The following HK2 variants were observed in gnomAD, a reference collection of about 807,000 sequenced individuals.
The protein encoded by HK2 is hexokinase-2.
Under a neutral mutation model 92.9 loss-of-function variants are expected in HK2, and 42 were observed. That is an observed-to-expected ratio of 0.45 (90% CI 0.35 to 0.58). The LOEUF (loss-of-function observed/expected upper bound fraction) is 0.58. Ranked by LOEUF, HK2 falls within the 20% of genes least tolerant of loss-of-function variation. HK2 has a pLI of 0.00. For synonymous variants in HK2, 422 were observed against 468.0 expected, an observed-to-expected ratio of 0.90 and a Z score of 1.27; for missense variants, 978 against 1,245.1, an observed-to-expected ratio of 0.79 and a Z score of 3.23.
chr2:74,869,260 C>T (rs140879846), intron 3 of HK2, among the ~76,000 whole-genome samples: 1 of 152,024 alleles, frequency 6.6e-6, no homozygotes, highest in African/African-American at 2.4e-5. Context: ...ATCTTTGATC[C>T]TAAGGAATAG....
chr2:74,873,506 C>T, intron 5 of HK2, 135 bp downstream of exon 5: 2 of 654,756 alleles, frequency 3.1e-6, no homozygotes, highest in Non-Finnish European at 5.4e-6. Context: ...GACACATGTA[C>T]TCAATAATTT....
At chr2:74,860,108 AAACAGTG>A (rs1382512407) in intron 2 of HK2, among the ~76,000 whole-genome samples, 4 of 151,778 alleles carry the variant, frequency 2.6e-5, no homozygotes, top group East Asian at 1.9e-4. Flanking sequence ...AGTGGGAGCT[AAACAGTG>A]TGTCCACATG....
chr2:74,869,523 G>T (rs1043199630), intron 3 of HK2, among the ~76,000 whole-genome samples: 5 of 152,204 alleles, frequency 3.3e-5, no homozygotes, highest in African/African-American at 1.2e-4. Context: ...GGGCAATGGG[G>T]GTCCTTCGGT....
At chr2:74,859,833 A>G (rs537496729) in intron 2 of HK2, among the ~76,000 whole-genome samples, 2 of 152,312 alleles carry the variant, frequency 1.3e-5, no homozygotes, top group South Asian at 4.1e-4. Flanking sequence ...GTATCTACCC[A>G]AAGGAAAAGA....
At chr2:74,846,219 T>C (rs1242604372) in intron 1 of HK2, among the ~76,000 whole-genome samples, 8 of 152,276 alleles carry the variant, frequency 5.3e-5, no homozygotes, top group Admixed American at 1.3e-4. Context: ...ATTTAAATGA[T>C]GGATCTCTCT....
Position 74,881,804 on chromosome 2 carries a change from T to G in HK2, c.1664T>G (p.Met555Arg). ...AATGGGAAGTGGGGTGGAGTGGAGA[T>G]GCACAACAAGATCTACGCCATCCCG... ...VRNGKWGGVEMHNKIYAIPQE... is the reference protein window; with the variant it reads ...VRNGKWGGVERHNKIYAIPQE... Residue 555 changes from methionine to arginine, a missense_variant, in exon 11 of 18, where the codon ATG becomes AGG. By Grantham distance (91) the Met-to-Arg change is moderately conservative (BLOSUM62 -1). This residue lies in a region of HK2 where 742 missense variants were observed against 922.5 expected (regional missense o/e 0.80). Coordinates refer to ENST00000290573, the MANE Select transcript of HK2 (RefSeq NM_000189.5). The G allele has an allele frequency of 6.2e-7, 1 of 1,614,080 alleles. No homozygotes were observed. The highest frequency in any genetic ancestry group is 8.5e-7 in the Non-Finnish European group (1 of 1,180,004).
At chr2:74,875,254 C>G (rs1403848074) in intron 7 of HK2, among the ~76,000 whole-genome samples, 3 of 151,256 alleles carry the variant, frequency 2.0e-5, no homozygotes, top group Admixed American at 1.3e-4. Flanking sequence ...TCGTGCAGAT[C>G]TCTACTTGGA....
chr2:74,891,493 C>A lies in HK2; in HGVS notation c.*552C>A, dbSNP rs3732296. On this transcript the variant is annotated 3_prime_UTR_variant, in exon 18 of 18. Transcript: ENST00000290573. ...CGCAGCAGCCCCTCTTTAACCTCAT[C>A]TACAAGCATTTGCCCTGTGGATTCC... 12,784 of 157,068 alleles carry A rather than the reference C, an allele frequency of 0.081. 1,496 individuals are homozygous for A. Among genetic ancestry groups the A allele is most frequent in the African/African-American group, 0.26 (10,813 of 41,476 alleles). The allele number at this position is 157,068 out of a possible 1,614,324, so 9.7% of individuals were successfully genotyped here.
rs575255606 is a variant in HK2 at position 74,834,877 on chromosome 2, C to T, written c.63+234C>T. On this transcript the variant is annotated intron_variant, in intron 1 of 17. Coordinates refer to ENST00000290573, the MANE Select transcript of HK2 (RefSeq NM_000189.5). This position sits in a 1 kb window ranked among gnomAD's most constrained non-coding sequence, Gnocchi z 4.2. ...CGCGCTCCGCCGGGCGCCCTCCCTC[C>T]CTGAGCTCCGGCACGCGCTCACGCT... 1.0e-3 allele frequency among the ~76,000 whole-genome samples: 155 copies of T among 152,280 alleles called. No individual in the cohort carries two copies. The highest frequency in any genetic ancestry group is 3.7e-3 in the African/African-American group (153 of 41,566).
chr2:74,876,335 G>A (rs888317983), intron 7 of HK2, among the ~76,000 whole-genome samples: 1 of 152,176 alleles, frequency 6.6e-6, no homozygotes, highest in Non-Finnish European at 1.5e-5. Context: ...AGGCCCATGT[G>A]CCTCCTCTAA....
intron 1 of HK2, among the ~76,000 whole-genome samples, chr2:74,848,739 A>T (rs1461818876): frequency 6.6e-6 from 1 of 152,184 alleles, no homozygotes; most frequent in Non-Finnish European, 1.5e-5. Context: ...TGTCTTCTGG[A>T]TGTAAATAAT....
intron 2 of HK2, among the ~76,000 whole-genome samples, chr2:74,855,487 G>A (rs1401835726): frequency 6.6e-6 from 1 of 151,822 alleles, no homozygotes; most frequent in African/African-American, 2.4e-5. Context: ...CGCCCACCTC[G>A]GCCTCCCAAA....
intron 2 of HK2, among the ~76,000 whole-genome samples, chr2:74,859,756 A>G (rs1688777313): frequency 6.6e-6 from 1 of 152,238 alleles, no homozygotes; most frequent in African/African-American, 2.4e-5. Context: ...TCTATGGAAA[A>G]CAGTATGGAG....
chr2:74,860,836 A>G (rs558916615), intron 2 of HK2, among the ~76,000 whole-genome samples: 1 of 152,306 alleles, frequency 6.6e-6, no homozygotes, highest in African/African-American at 2.4e-5. Context: ...AAATTGTTGA[A>G]CCATTTATAC....
intron 12 of HK2, among the ~76,000 whole-genome samples, chr2:74,884,267 A>C (rs1573390117): frequency 6.6e-6 from 1 of 152,200 alleles, no homozygotes; most frequent in African/African-American, 2.4e-5. Flanking sequence ...ATTAAGAGCA[A>C]ATAAAGCAGA....
intron 1 of HK2, among the ~76,000 whole-genome samples, chr2:74,844,841 G>A (rs769705725): frequency 1.3e-5 from 2 of 152,324 alleles, no homozygotes; most frequent in Non-Finnish European, 2.9e-5. Context: ...CTGGTCAGTC[G>A]GGAGTAGCCA....
At chr2:74,862,829 A>G (rs1402706656) in intron 2 of HK2, among the ~76,000 whole-genome samples, 1 of 152,088 alleles carries the variant, frequency 6.6e-6, no homozygotes, top group Non-Finnish European at 1.5e-5. Flanking sequence ...GTGCGTGTAT[A>G]TGTGTGTGTT....
chr2:74,836,687 G>C (rs1350115366), intron 1 of HK2, among the ~76,000 whole-genome samples: 1 of 152,184 alleles, frequency 6.6e-6, no homozygotes, highest in Non-Finnish European at 1.5e-5. Context: ...CAGAACCTGG[G>C]ATTTGACTCC....
At chr2:74,863,499 G>A (rs1573372027) in intron 2 of HK2, among the ~76,000 whole-genome samples, 1 of 152,118 alleles carries the variant, frequency 6.6e-6, no homozygotes, top group East Asian at 1.9e-4. Context: ...TGGAGTAATT[G>A]GAATCCTGGG....
Sources: allele counts gnomAD v4.1 joint callset (sites outside exome capture counted in the v4.1 genomes callset), GRCh38; gene constraint gnomAD v4.1.1; regional missense constraint gnomAD v4.1.1; non-coding constraint Gnocchi (gnomAD v3.1); transcripts MANE v1.5; gene names NCBI Gene and HGNC (gene_info 2026-07-23, HGNC 2026-07-21).